SLIT2: variants seen among roughly 807,000 people sequenced by gnomAD.
The protein encoded by SLIT2 is slit guidance ligand 2.
SLIT2 carries 41 observed loss-of-function variants against 185.7 expected under a neutral mutation model. The observed-to-expected ratio is 0.22, with a 90% CI of 0.17 to 0.29. The LOEUF (loss-of-function observed/expected upper bound fraction) is 0.29, where lower values mean the gene tolerates loss of function less well. Ranked by LOEUF, SLIT2 falls within the 10% of genes least tolerant of loss-of-function variation. The probability of loss-of-function intolerance (pLI) is 1.00; values close to 1 mark genes in which losing one functional copy is unlikely to be tolerated. For missense variants in SLIT2, 1,571 were observed against 1,909.0 expected (o/e 0.82, Z 3.30); for synonymous variants, 693 against 680.2 (o/e 1.02, Z -0.29).
At chr4:20,362,439 G>A (rs1466602308) in intron 4 of SLIT2, among the ~76,000 whole-genome samples, 1 of 152,006 alleles carries the variant, frequency 6.6e-6, no homozygotes, top group Admixed American at 6.6e-5. Context: ...CAAAGGGACA[G>A]CTTGTTTTTC....
At chr4:20,444,582 C>A (rs1051022052) in intron 4 of SLIT2, among the ~76,000 whole-genome samples, 3 of 152,126 alleles carry the variant, frequency 2.0e-5, no homozygotes, top group Non-Finnish European at 2.9e-5. Context: ...AACATTTTGA[C>A]CGTATCACAG....
intron 7 of SLIT2, 31 bp downstream of exon 7, chr4:20,486,302 A>G (rs762076004): frequency 1.6e-5 from 19 of 1,206,644 alleles, no homozygotes; most frequent in Non-Finnish European, 2.3e-5. Flanking sequence ...TAAAAGTCAT[A>G]TTAATCAATT....
At chr4:20,445,366 C>A (rs1330023448) in intron 4 of SLIT2, among the ~76,000 whole-genome samples, 5 of 152,128 alleles carry the variant, frequency 3.3e-5, no homozygotes, top group African/African-American at 1.2e-4. Context: ...CTTAAGTGAT[C>A]TTTAAAAATC....
At chr4:20,348,797 T>A (rs1721642707) in intron 4 of SLIT2, among the ~76,000 whole-genome samples, 1 of 152,226 alleles carries the variant, frequency 6.6e-6, no homozygotes, top group African/African-American at 2.4e-5. Flanking sequence ...AGTGGCCTTC[T>A]GCAGCTCTGG....
rs746020695 is a variant in SLIT2, at chr4:20,567,286, C to T, written c.2750C>T (p.Ala917Val). Residue 917 changes from alanine to valine, a missense_variant, in exon 27 of 37, where the codon GCT (alanine) becomes GTT (valine). Ala to Val is a moderately conservative substitution (Grantham distance 64). Around this residue, in one of 3 missense-constraint regions of SLIT2, gnomAD observed 1,202 missense variants for 1,416.4 expected, o/e 0.85. Coordinates refer to ENST00000504154, the MANE Select transcript of SLIT2 (RefSeq NM_004787.4). ...CQGPVDVNIL[A>V]KCNPCLSNPC... The stretch of plus-strand genomic sequence containing the variant: ...GGTCCTGTGGATGTCAATATTCTAG[C>T]TAAGTGTAACCCCTGCCTATCAAAT... 8.7e-6 allele frequency: 14 copies of T among 1,610,084 alleles called. No individual in the cohort carries two copies. Among genetic ancestry groups the T allele is most frequent in the Non-Finnish European group, 1.2e-5 (14 of 1,178,218 alleles).
At chr4:20,406,078 CAAT>C (rs1400072099) in intron 4 of SLIT2, among the ~76,000 whole-genome samples, 1 of 143,220 alleles carries the variant, frequency 7.0e-6, no homozygotes, top group Non-Finnish European at 1.6e-5. Context: ...ATTATCTTCT[CAAT>C]AATGGTCCCA....
chr4:20,338,047 C>T lies in SLIT2; in HGVS notation c.395+69166C>T, dbSNP rs141889083. 7.2e-5 allele frequency among the ~76,000 whole-genome samples: 11 copies of T among 152,222 alleles called. No homozygotes were observed. The East Asian group carries it at 1.5e-3, about 21-fold the overall frequency. ...TGTCACTCATTTGAAAAGGGATGTT[C>T]ATTTTTGATAAATTATTAGGTAATT... On this transcript the variant is annotated intron_variant, in intron 4 of 36. Coordinates refer to ENST00000504154, the MANE Select transcript of SLIT2 (RefSeq NM_004787.4).
chr4:20,536,717 CTT>C (rs1159319977), intron 18 of SLIT2, among the ~76,000 whole-genome samples: 2 of 151,546 alleles, frequency 1.3e-5, no homozygotes, highest in African/African-American at 4.8e-5. Context: ...TTTTTTTACT[CTT>C]TTGTAATAAC....
At chr4:20,488,225 T>TCC (rs1717434486) in intron 7 of SLIT2, among the ~76,000 whole-genome samples, 1 of 152,202 alleles carries the variant, frequency 6.6e-6, no homozygotes, top group Admixed American at 6.5e-5. Flanking sequence ...TCTTTGAGGC[T>TCC]AGGTCTCCAG....
chr4:20,319,816 A>C (rs1440755909), intron 4 of SLIT2, among the ~76,000 whole-genome samples: 13 of 151,376 alleles, frequency 8.6e-5, no homozygotes, highest in East Asian at 3.9e-4. Context: ...CAAAACAAAA[A>C]AAAAACAAAA....
chr4:20,604,340 AG>A, intron 33 of SLIT2, among the ~76,000 whole-genome samples: 1 of 152,286 alleles, frequency 6.6e-6, no homozygotes, highest in Admixed American at 6.5e-5. Context: ...AAATTCTTAC[AG>A]GTATATTTAG....
intron 4 of SLIT2, among the ~76,000 whole-genome samples, chr4:20,373,186 T>C (rs1418297598): frequency 3.9e-5 from 6 of 152,082 alleles, no homozygotes; most frequent in African/African-American, 9.7e-5. Context: ...TTAGAACTTA[T>C]TGGAAGAAAA....
intron 9 of SLIT2, among the ~76,000 whole-genome samples, chr4:20,503,938 C>T (rs543340957): frequency 1.3e-5 from 2 of 152,146 alleles, no homozygotes; most frequent in South Asian, 4.2e-4. Flanking sequence ...CACTCTAGGG[C>T]TAATATTCAT....
intron 4 of SLIT2, among the ~76,000 whole-genome samples, chr4:20,457,883 G>T (rs1165212045): frequency 6.6e-6 from 1 of 152,176 alleles, no homozygotes; most frequent in Admixed American, 6.5e-5. Flanking sequence ...ACAAGGAATA[G>T]ATCGGAGCAT....
intron 24 of SLIT2, among the ~76,000 whole-genome samples, chr4:20,550,346 T>C (rs1440879581): frequency 6.6e-6 from 1 of 151,022 alleles, no homozygotes; most frequent in Non-Finnish European, 1.5e-5. Flanking sequence ...TTTATGCATA[T>C]ACTACTTTAC....
At chr4:20,507,390 C>T (rs1479602887) in intron 9 of SLIT2, among the ~76,000 whole-genome samples, 1 of 151,652 alleles carries the variant, frequency 6.6e-6, no homozygotes, top group Admixed American at 6.6e-5. Flanking sequence ...TTAAATTTTC[C>T]AGGGAAAATC....
At chr4:20,618,446 C>A (rs566498804) in intron 36 of SLIT2, among the ~76,000 whole-genome samples, 10 of 152,144 alleles carry the variant, frequency 6.6e-5, no homozygotes, top group Non-Finnish European at 1.5e-4. Context: ...GTAAACAAAA[C>A]CAGCTGTTAG....
At chr4:20,370,731 G>C (rs1577518458) in intron 4 of SLIT2, among the ~76,000 whole-genome samples, 1 of 152,120 alleles carries the variant, frequency 6.6e-6, no homozygotes, top group African/African-American at 2.4e-5. Context: ...GAAGTGGACT[G>C]ATCTGGATTC....
chr4:20,271,333 T>C (rs1713582136), intron 4 of SLIT2, among the ~76,000 whole-genome samples: 1 of 149,158 alleles, frequency 6.7e-6, no homozygotes. Flanking sequence ...TATAAATATG[T>C]GTAAAACAAT....
Sources: gnomAD v4.1 joint callset for allele counts (sites outside exome capture counted in the v4.1 genomes callset) on GRCh38, gnomAD v4.1.1 for gene constraint, gnomAD v4.1.1 regional missense constraint, MANE v1.5 for transcripts, NCBI Gene and HGNC (gene_info 2026-07-23, HGNC 2026-07-21) for gene names.